MCUB: variants seen among roughly 807,000 people sequenced by gnomAD.
MCUB encodes mitochondrial calcium uniporter dominant negative subunit beta.
A neutral mutation model predicts 41.4 loss-of-function variants in MCUB; 46 were observed. That is an observed-to-expected ratio of 1.11 (90% confidence interval 0.88 to 1.42). The LOEUF is 1.42. MCUB is among the 40% of genes most tolerant of loss of function. The pLI, the probability that MCUB is intolerant of heterozygous loss-of-function variation, is 0.00. For synonymous variants in MCUB, 148 were observed against 148.2 expected (o/e 1.00, Z 0.01); for missense variants, 403 against 404.9 (o/e 1.00, Z 0.04).
At chr4:109,598,395 C>T (rs555099132) in intron 1 of MCUB, among the ~76,000 whole-genome samples, 246 of 152,296 alleles carry the variant, frequency 1.6e-3, no homozygotes, top group African/African-American at 5.8e-3. Context: ...GAGCTGAAGA[C>T]CGGCCAGGCC....
intron 1 of MCUB, among the ~76,000 whole-genome samples, chr4:109,618,977 TC>T (rs1728187926): frequency 6.6e-6 from 1 of 150,974 alleles, no homozygotes; most frequent in East Asian, 2.0e-4. Flanking sequence ...TCTCTCTCTC[TC>T]TCTCTCTCTC....
At chr4:109,603,123 G>A (rs1007476186) in intron 1 of MCUB, among the ~76,000 whole-genome samples, 40 of 152,138 alleles carry the variant, frequency 2.6e-4, no homozygotes, top group African/African-American at 7.7e-4. Flanking sequence ...TCTGTCTGCC[G>A]CTCTCCGCGG....
At chr4:109,576,701 A>G (rs1293471985) in intron 1 of MCUB, among the ~76,000 whole-genome samples, 1 of 152,200 alleles carries the variant, frequency 6.6e-6, no homozygotes, top group Non-Finnish European at 1.5e-5. Context: ...GGAAGTTTAT[A>G]CACAAAGGAT....
chr4:109,680,915 G>T (rs886319584), intron 4 of MCUB, among the ~76,000 whole-genome samples: 3 of 152,172 alleles, frequency 2.0e-5, no homozygotes, highest in Admixed American at 2.0e-4. Flanking sequence ...CAATCTGAGG[G>T]ACTTCTCATA....
At chr4:109,652,329 T>C (rs1475339657) in intron 1 of MCUB, among the ~76,000 whole-genome samples, 1 of 152,216 alleles carries the variant, frequency 6.6e-6, no homozygotes, top group Non-Finnish European at 1.5e-5. Context: ...AGTTCTCTTC[T>C]TCCTGAAGAA....
chr4:109,590,309 C>A (rs1205681374), intron 1 of MCUB, among the ~76,000 whole-genome samples: 2 of 152,066 alleles, frequency 1.3e-5, no homozygotes, highest in Non-Finnish European at 2.9e-5. Context: ...ATTGGCTTAC[C>A]CTTTTGCTTT....
intron 1 of MCUB, among the ~76,000 whole-genome samples, chr4:109,626,817 G>A (rs1424682670): frequency 3.5e-5 from 3 of 86,752 alleles, no homozygotes; most frequent in South Asian, 5.5e-4. Context: ...GTGAGAGTCC[G>A]ACTCAAAAAA....
At chr4:109,617,478 AG>A in intron 1 of MCUB, among the ~76,000 whole-genome samples, 1 of 152,204 alleles carries the variant, frequency 6.6e-6, no homozygotes. Context: ...TTTCATGTAA[AG>A]GTGGCTTAGA....
intron 1 of MCUB, among the ~76,000 whole-genome samples, chr4:109,596,507 C>T (rs573088113): frequency 6.6e-6 from 1 of 151,784 alleles, no homozygotes; most frequent in South Asian, 2.1e-4. Flanking sequence ...CTTGCCAGCC[C>T]TTAGGAGTTG....
chr4:109,686,781 C>T (rs1033471437), intron 7 of MCUB, among the ~76,000 whole-genome samples: 4 of 152,112 alleles, frequency 2.6e-5, no homozygotes, highest in African/African-American at 4.8e-5. Context: ...GAAGCTGAAG[C>T]AGGAAGATCC....
intron 1 of MCUB, among the ~76,000 whole-genome samples, chr4:109,656,799 C>T (rs370165375): frequency 2.2e-4 from 34 of 152,138 alleles, no homozygotes; most frequent in East Asian, 3.8e-4. Flanking sequence ...AAGTAGTAGA[C>T]GGTATTGTAA....
intron 1 of MCUB, among the ~76,000 whole-genome samples, chr4:109,571,376 G>A (rs1027749223): frequency 6.6e-6 from 1 of 152,070 alleles, no homozygotes; most frequent in African/African-American, 2.4e-5. Context: ...GCAGTGGTGC[G>A]ATCTTGGCTC....
At chr4:109,653,572 G>C (rs888508691) in intron 1 of MCUB, among the ~76,000 whole-genome samples, 16 of 151,946 alleles carry the variant, frequency 1.1e-4, no homozygotes, top group African/African-American at 3.9e-4. Flanking sequence ...TAGAATTTAG[G>C]CTATTAAGGT....
intron 2 of MCUB, among the ~76,000 whole-genome samples, 181 bp downstream of exon 2, chr4:109,659,267 A>G (rs933150034): frequency 1.7e-4 from 3 of 17,558 alleles, no homozygotes; most frequent in African/African-American, 9.1e-4. Context: ...TCTTTTGTCA[A>G]ATTCCCACCT....
At chr4:109,602,862 G>T (rs1727774250) in intron 1 of MCUB, among the ~76,000 whole-genome samples, 1 of 151,734 alleles carries the variant, frequency 6.6e-6, no homozygotes, top group Non-Finnish European at 1.5e-5. Context: ...TTCCTTTTTT[G>T]GTGTCCGCTT....
At chr4:109,613,844 G>A (rs970113018) in intron 1 of MCUB, among the ~76,000 whole-genome samples, 4 of 68,512 alleles carry the variant, frequency 5.8e-5, no homozygotes, top group Admixed American at 3.4e-4. Flanking sequence ...GAGAAATCAG[G>A]TATATACTCT....
rs117661607 is a variant in MCUB, at chr4:109,663,146, C to T, written c.347-1144C>T. 3.8e-3 allele frequency among the ~76,000 whole-genome samples: 575 copies of T among 152,258 alleles called. 16 individuals are homozygous for T. In the South Asian group the frequency reaches 0.06, roughly 16 times the overall value. ...ACATATTAATATAGCTAAAATAGCT[C>T]GGGTTGAATGTAACCAAATGAATGT... On this transcript the variant is annotated intron_variant, in intron 3 of 7. Transcript: ENST00000394650.
At chr4:109,632,860 C>T (rs1219547873) in intron 1 of MCUB, among the ~76,000 whole-genome samples, 1 of 152,132 alleles carries the variant, frequency 6.6e-6, no homozygotes, top group Admixed American at 6.5e-5. Context: ...AGTGATCCGC[C>T]TGCCTCGGCC....
chr4:109,612,655 C>T (rs1416834331), intron 1 of MCUB, among the ~76,000 whole-genome samples: 1 of 152,116 alleles, frequency 6.6e-6, no homozygotes, highest in Non-Finnish European at 1.5e-5. Context: ...GCTCAATCTC[C>T]TGATACCAGT....
Sources: allele counts gnomAD v4.1 joint callset (sites outside exome capture counted in the v4.1 genomes callset), GRCh38; gene constraint gnomAD v4.1.1; transcripts MANE v1.5; gene names NCBI Gene and HGNC (gene_info 2026-07-23, HGNC 2026-07-21).